The following FAM171A1 variants were observed in gnomAD, a reference collection of about 807,000 sequenced individuals.
FAM171A1 encodes the protein family with sequence similarity 171 member A1, also known as protein FAM171A1.
FAM171A1 carries 23 observed loss-of-function variants against 74.9 expected under a neutral mutation model. The observed-to-expected ratio is 0.31, with a 90% CI of 0.22 to 0.44. The LOEUF is 0.44. FAM171A1 is among the 20% of genes least tolerant of loss of function. FAM171A1 has a pLI of 1.00. For missense variants in FAM171A1, 1,162 were observed against 1,159.2 expected (o/e 1.00, Z -0.03); for synonymous variants, 527 against 505.7 (o/e 1.04, Z -0.57).
At chr10:15,275,617 T>C (rs1341071607) in intron 3 of FAM171A1, among the ~76,000 whole-genome samples, 3 of 152,132 alleles carry the variant, frequency 2.0e-5, no homozygotes, top group South Asian at 2.1e-4. Context: ...AAACTGACTG[T>C]TGTTTCTCTT....
chr10:15,297,243 G>C (rs960726782), intron 1 of FAM171A1, among the ~76,000 whole-genome samples: 6 of 151,978 alleles, frequency 3.9e-5, no homozygotes, highest in African/African-American at 1.2e-4. Flanking sequence ...ATTTTTAGTA[G>C]AGACGGGATT....
Position 15,216,057 on chromosome 10 carries a change from T to C in FAM171A1, c.925A>G (p.Ile309Val), listed in dbSNP as rs750530629. The C allele has an allele frequency of 1.1e-5, 17 of 1,612,018 alleles. No homozygotes were observed. Among genetic ancestry groups the C allele is most frequent in the South Asian group, 1.1e-5 (1 of 90,302 alleles). The part of the protein sequence containing the change: ...TTYHTVFLLA[I>V]LGGMAFILLV... ...AGTATGAAAGCCATTCCTCCTAAAA[T>C]GGCCAAAAGAAACACCGTGTGATAC... Residue 309 changes from isoleucine (I) to valine (V), a missense_variant, in exon 7 of 8, where the codon ATT (isoleucine) becomes GTT (valine). Physicochemically the swap from Ile to Val is conservative, Grantham distance 29. Coordinates refer to ENST00000378116, the MANE Select transcript of FAM171A1 (RefSeq NM_001010924.2).
chr10:15,235,095 A>G (rs1173885767), intron 5 of FAM171A1, among the ~76,000 whole-genome samples: 1 of 152,054 alleles, frequency 6.6e-6, no homozygotes, highest in Admixed American at 6.6e-5. Context: ...CGATTACCTG[A>G]GGACAGGAGT....
At chr10:15,259,312 C>A (rs766290539) in intron 3 of FAM171A1, among the ~76,000 whole-genome samples, 2 of 152,216 alleles carry the variant, frequency 1.3e-5, no homozygotes, top group South Asian at 2.1e-4. Flanking sequence ...AGCCTCCTAT[C>A]TGGGCCATCT....
chr10:15,329,083 C>T (rs1835595069), intron 1 of FAM171A1, among the ~76,000 whole-genome samples: 1 of 152,108 alleles, frequency 6.6e-6, no homozygotes, highest in Non-Finnish European at 1.5e-5. Flanking sequence ...TGGGAGGACG[C>T]CCTCAGATGT....
intron 4 of FAM171A1, among the ~76,000 whole-genome samples, chr10:15,250,286 T>A (rs1834490987): frequency 6.6e-6 from 1 of 152,222 alleles, no homozygotes. Context: ...GGTTATGTCA[T>A]TTTATGGTAA....
chr10:15,240,924 G>A (rs143705149), intron 5 of FAM171A1: 6 of 156,524 alleles, frequency 3.8e-5, no homozygotes, highest in African/African-American at 9.6e-5. Context: ...CACACCTGTC[G>A]TACCAGCTAC....
chr10:15,370,974 G>T lies in FAM171A1; in HGVS notation c.79C>A (p.Pro27Thr), dbSNP rs1836137152. Residue 27 changes from proline to threonine, a missense_variant, in exon 1 of 8, where the codon CCC (proline) becomes ACC (threonine). Pro to Thr is a conservative substitution (Grantham distance 38). Transcript: ENST00000378116. ...CACTGACCTTGGGCTCCGGCGCCGG[G>T]CTCCCGCAGCGTCTTGGTCACCGCC... ...WKAVTKTLRE[P>T]GAGAQEVTLK... is the part of the protein sequence containing the mutation. The T allele has an allele frequency of 1.7e-6, 2 of 1,181,636 alleles. No homozygotes were observed. The highest frequency in any genetic ancestry group is 1.8e-4 in the East Asian group (2 of 11,190). 73.2% of individuals were successfully genotyped at this position (1,181,636 alleles called of 1,614,324 possible). A position where few individuals can be genotyped will look rare whatever the true frequency, so the allele number is the denominator to read the frequency against.
intron 6 of FAM171A1, among the ~76,000 whole-genome samples, chr10:15,217,786 C>T (rs969164333): frequency 2.5e-4 from 37 of 150,102 alleles, no homozygotes; most frequent in Admixed American, 2.2e-3. Context: ...TATAGGCGCC[C>T]GCCACCATGC....
Position 15,276,114 on chromosome 10 carries a change from T to C in FAM171A1, c.326-167A>G, listed in dbSNP as rs1438589783. On this transcript the variant is annotated intron_variant, in intron 2 of 7. Transcript: ENST00000378116. ...AGACCTTCAAAATGCTACAAGTGTA[T>C]TGCAGTATCTCATATAACAATTACT... 3.3e-5 allele frequency among the ~76,000 whole-genome samples: 5 copies of C among 152,232 alleles called. 1 individual carries two copies. The highest frequency in any genetic ancestry group is 7.2e-5 in the African/African-American group (3 of 41,464).
chr10:15,369,584 T>G (rs1472335417), intron 1 of FAM171A1, among the ~76,000 whole-genome samples: 2 of 152,166 alleles, frequency 1.3e-5, no homozygotes, highest in African/African-American at 4.8e-5. Flanking sequence ...GAAGCAGCAA[T>G]GCATTTAAGA....
At chr10:15,220,876 A>T (rs1015181291) in intron 6 of FAM171A1, 68 bp downstream of exon 6, 5 of 1,151,400 alleles carry the variant, frequency 4.3e-6, no homozygotes, top group Admixed American at 3.9e-5. Context: ...TCAAGAGCAT[A>T]CTTAGCCTGA....
intron 5 of FAM171A1, among the ~76,000 whole-genome samples, chr10:15,225,040 TG>T (rs1218250120): frequency 6.6e-6 from 1 of 152,222 alleles, no homozygotes; most frequent in Non-Finnish European, 1.5e-5. Context: ...TTCCGTGTCT[TG>T]GCACATCCTG....
intron 1 of FAM171A1, among the ~76,000 whole-genome samples, chr10:15,360,489 T>C (rs973756395): frequency 1.3e-5 from 2 of 152,252 alleles, no homozygotes; most frequent in Non-Finnish European, 2.9e-5. Flanking sequence ...AACAAGACTT[T>C]GAGGCTACCC....
intron 1 of FAM171A1, among the ~76,000 whole-genome samples, chr10:15,290,546 T>TG (rs1368368106): frequency 5.3e-5 from 8 of 152,154 alleles, no homozygotes; most frequent in Non-Finnish European, 1.0e-4. Flanking sequence ...TTGGGCCAAC[T>TG]GTGGGGGTGT....
At chr10:15,363,318 G>A (rs1017403057) in intron 1 of FAM171A1, among the ~76,000 whole-genome samples, 5 of 152,250 alleles carry the variant, frequency 3.3e-5, no homozygotes, top group Non-Finnish European at 7.3e-5. Flanking sequence ...AGACAACATG[G>A]AAGAGGGTTT....
At chr10:15,351,670 T>G (rs1291739511) in intron 1 of FAM171A1, among the ~76,000 whole-genome samples, 1 of 151,366 alleles carries the variant, frequency 6.6e-6, no homozygotes, top group African/African-American at 2.4e-5. Context: ...CACGGATGCA[T>G]GGATGCATGG....
chr10:15,212,964 G>C lies in FAM171A1; in HGVS notation c.2624C>G (p.Pro875Arg), dbSNP rs1255003432. 7 of 1,614,048 alleles carry C rather than the reference G, an allele frequency of 4.3e-6. No homozygotes were observed. In the Admixed American group the frequency reaches 1.0e-4, roughly 23 times the overall value. The change falls in exon 8 of 8, where the codon CCC (proline) becomes CGC (arginine). Residue 875 changes from proline to arginine, a missense_variant. Transcript: ENST00000378116. ...DDDQGEDKKS[P>R]WQKREERPLM... ...GGGCCTCTCCTCCCGTTTCTGCCAG[G>C]GGCTTTTCTTGTCTTCTCCTTGGTC...
chr10:15,268,711 C>A (rs1834781009), intron 3 of FAM171A1, among the ~76,000 whole-genome samples: 1 of 152,112 alleles, frequency 6.6e-6, no homozygotes, highest in Admixed American at 6.6e-5. Context: ...GGGCCCAGCA[C>A]AGGCACTGGA....
Sources: allele counts gnomAD v4.1 joint callset (sites outside exome capture counted in the v4.1 genomes callset), GRCh38; gene constraint gnomAD v4.1.1; transcripts MANE v1.5; gene names NCBI Gene and HGNC (gene_info 2026-07-23, HGNC 2026-07-21).